BAIAP2L2: variants seen among roughly 807,000 people sequenced by gnomAD.
BAIAP2L2 encodes BAR/IMD domain containing adaptor protein 2 like 2.
BAIAP2L2 carries 65 observed loss-of-function variants against 60.4 expected under a neutral mutation model. That is an observed-to-expected ratio of 1.08 (90% CI 0.88 to 1.32). The LOEUF (loss-of-function observed/expected upper bound fraction) is 1.32. Among genes scored for constraint, BAIAP2L2 ranks in the 40% most tolerant of loss-of-function variants. The pLI is 0.00. For synonymous variants in BAIAP2L2, 344 were observed against 301.7 expected (o/e 1.14, Z -1.45); for missense variants, 836 against 741.2 (o/e 1.13, Z -1.48).
intron 1 of BAIAP2L2, among the ~76,000 whole-genome samples, chr22:38,109,494 G>A (rs908820827): frequency 6.6e-6 from 1 of 152,150 alleles, no homozygotes; most frequent in Non-Finnish European, 1.5e-5. Flanking sequence ...CTCCCGAGAT[G>A]GTGCACCTGG....
chr22:38,089,747 CCT>C, intron 7 of BAIAP2L2, 73 bp from the exon 8 acceptor site: 7 of 1,204,266 alleles, frequency 5.8e-6, no homozygotes, highest in Non-Finnish European at 7.2e-6. Context: ...AAAATGACAC[CCT>C]CGACCTGAGA....
chr22:38,096,952 A>T, intron 7 of BAIAP2L2, 80 bp downstream of exon 7: 1 of 1,475,876 alleles, frequency 6.8e-7, no homozygotes, highest in African/African-American at 1.4e-5. Context: ...GGAAGAAGGG[A>T]GGGAAACCTC....
chr22:38,103,561 A>G (rs1386033927), intron 4 of BAIAP2L2, among the ~76,000 whole-genome samples: 1 of 152,216 alleles, frequency 6.6e-6, no homozygotes, highest in Non-Finnish European at 1.5e-5. Context: ...CTCAGGAGGC[A>G]GATTAAAGAG....
rs777696463 is a variant in BAIAP2L2 at position 38,087,156 on chromosome 22, T to TGTCATGGAG, written c.1226_1227insCTCCATGAC (p.Thr409_Pro410insSerMetThr). ...GCAGCTCGTTCCCGGGGTTCATGGG[T>TGTCATGGAG]GTCATGGGGGACATGGAGGTCATGG... On this transcript the variant is annotated inframe_insertion, in exon 11 of 14. Transcript: ENST00000381669. 6.3e-7 allele frequency: 1 copy of TGTCATGGAG among 1,590,464 alleles called. No individual in the cohort carries two copies. The highest frequency in any genetic ancestry group is 1.1e-5 in the South Asian group (1 of 87,966).
chr22:38,088,708 T>G, intron 10 of BAIAP2L2, 40 bp downstream of exon 10: 4 of 1,536,870 alleles, frequency 2.6e-6, no homozygotes, highest in Non-Finnish European at 3.5e-6. Flanking sequence ...CAGGGCCTTC[T>G]TCTCAACCCA....
intron 7 of BAIAP2L2, chr22:38,093,886 C>T (rs577997660): frequency 1.3e-5 from 6 of 456,476 alleles, no homozygotes; most frequent in South Asian, 3.1e-5. Context: ...CATGAAGACT[C>T]GTACATGGAT....
chr22:38,108,083 C>T (rs1359000892), intron 3 of BAIAP2L2, among the ~76,000 whole-genome samples, 170 bp from the exon 4 acceptor site: 2 of 152,190 alleles, frequency 1.3e-5, no homozygotes, highest in Admixed American at 6.5e-5. Flanking sequence ...TGTGTCCCAG[C>T]CTGGGAGCAG....
rs202165386 is a variant in BAIAP2L2, at chr22:38,085,880, G to A, written c.1468-148C>T. On this transcript the variant is annotated intron_variant, in intron 12 of 13. Coordinates refer to ENST00000381669, the MANE Select transcript of BAIAP2L2 (RefSeq NM_025045.6). ...GGCTCCTGGAAAATGAGACCCTGACGTTCTGAAGCCCAGAATTCTGTGGGT... is the reference window on the plus strand; with the variant it reads ...GGCTCCTGGAAAATGAGACCCTGACATTCTGAAGCCCAGAATTCTGTGGGT... 720 of 815,076 alleles carry A rather than the reference G, an allele frequency of 8.8e-4. 5 individuals carry two copies. The East Asian group carries it at 0.017, about 19-fold the overall frequency. 50.5% of individuals were successfully genotyped at this position (815,076 alleles called of 1,614,324 possible).
At chr22:38,109,282 T>C (rs1602038053) in intron 1 of BAIAP2L2, 74 bp from the exon 2 acceptor site, 2 of 1,235,384 alleles carry the variant, frequency 1.6e-6, no homozygotes, top group East Asian at 4.8e-5. Flanking sequence ...TGGAGTCAAG[T>C]CACCAGGCGT....
chr22:38,095,543 TTAG>T (rs2086408531), intron 7 of BAIAP2L2, among the ~76,000 whole-genome samples: 1 of 152,128 alleles, frequency 6.6e-6, no homozygotes, highest in African/African-American at 2.4e-5. Flanking sequence ...TTTTGTATTT[TTAG>T]TAGAAACGGG....
intron 4 of BAIAP2L2, among the ~76,000 whole-genome samples, chr22:38,101,371 T>TTA (rs2086562792): frequency 2.5e-5 from 2 of 80,756 alleles, no homozygotes; most frequent in African/African-American, 5.6e-5. Flanking sequence ...TGTCTCTACA[T>TTA]AAAAAAAAAA....
rs952120029 is a variant in BAIAP2L2, at chr22:38,094,048, T to C, written c.612+2984A>G. 2.4e-4 allele frequency: 107 copies of C among 455,220 alleles called. 1 individual carries two copies. Among genetic ancestry groups the C allele is most frequent in the Non-Finnish European group, 3.6e-4 (81 of 226,052 alleles). 28.2% of individuals were successfully genotyped at this position (455,220 alleles called of 1,614,324 possible). A position where few individuals can be genotyped will look rare whatever the true frequency, so the allele number is the denominator to read the frequency against. ...TATCCAGCAGTGAAAAGGAAGCCAG[T>C]CGCAAAAGAGCACACACATTGTATG... On this transcript the variant is annotated intron_variant, in intron 7 of 13. Transcript: ENST00000381669.
chr22:38,109,803 G>C (rs907812771), intron 1 of BAIAP2L2, among the ~76,000 whole-genome samples: 7 of 152,026 alleles, frequency 4.6e-5, no homozygotes, highest in African/African-American at 1.7e-4. Flanking sequence ...TCAAATCCCA[G>C]CAGCACCTCT....
chr22:38,101,546 CAAAAAAAAAAAA>C (rs71195082), intron 4 of BAIAP2L2, among the ~76,000 whole-genome samples: 2 of 30,908 alleles, frequency 6.5e-5, no homozygotes, highest in Non-Finnish European at 1.0e-4. Flanking sequence ...GATCCTGTCT[CAAAAAAAAAAAA>C]AAAAAAAAAA....
intron 1 of BAIAP2L2, 43 bp downstream of exon 1, chr22:38,110,432 G>A (rs1349774466): frequency 1.3e-6 from 2 of 1,591,016 alleles, no homozygotes; most frequent in Admixed American, 1.7e-5. Context: ...TCTGTGCCCT[G>A]GGAGGAGGGG....
At position 38,089,227 on chromosome 22, in the gene BAIAP2L2, G is replaced by A. The variant is rs2086206560; in HGVS notation, c.770C>T (p.Pro257Leu). Residue 257 changes from proline (P) to leucine (L), a missense_variant, in exon 9 of 14, where the codon CCG (proline) becomes CTG (leucine). Physicochemically the swap from Pro to Leu is moderately conservative, Grantham distance 98. Transcript: ENST00000381669. ...GGAGCTGAACTCTCCCAGGGGCCTC[G>A]GGGGCTGCGGGGGAGATGGGCAGGG... The part of the protein sequence containing the change: ...RLTPTCLDMP[P>L]RPLGEFSSPR... 2.0e-6 allele frequency: 2 copies of A among 990,088 alleles called. No homozygotes were observed. The highest frequency in any genetic ancestry group is 2.6e-6 in the Non-Finnish European group (2 of 772,682). 61.3% of individuals were successfully genotyped at this position (990,088 alleles called of 1,614,324 possible). A position where few individuals can be genotyped will look rare whatever the true frequency, so the allele number is the denominator to read the frequency against.
chr22:38,087,824 A>G (rs767132023), intron 10 of BAIAP2L2, among the ~76,000 whole-genome samples: 45 of 145,494 alleles, frequency 3.1e-4, no homozygotes, highest in Middle Eastern at 7.3e-3. Flanking sequence ...CACCTCTCCA[A>G]TCACCCATCA....
intron 4 of BAIAP2L2, among the ~76,000 whole-genome samples, chr22:38,105,392 T>G (rs1210484925): frequency 6.8e-6 from 1 of 146,176 alleles, no homozygotes; most frequent in African/African-American, 2.6e-5. Flanking sequence ...CAGGCTGGAG[T>G]GCTGTGGTGC....
intron 10 of BAIAP2L2, among the ~76,000 whole-genome samples, chr22:38,088,473 T>C (rs2145938229): frequency 6.6e-6 from 1 of 152,262 alleles, no homozygotes; most frequent in African/African-American, 2.4e-5. Flanking sequence ...AGCAATAGGA[T>C]TTCTGCCATT....
Sources: allele counts gnomAD v4.1 joint callset (sites outside exome capture counted in the v4.1 genomes callset), GRCh38; gene constraint gnomAD v4.1.1; transcripts MANE v1.5; gene names NCBI Gene and HGNC (gene_info 2026-07-23, HGNC 2026-07-21).